Variants in TBC1D2B observed in about 807,000 individuals in gnomAD.
The protein encoded by TBC1D2B is TBC1 domain family member 2B, also known as TBC1 domain family, member 2B.
A neutral mutation model predicts 100.8 loss-of-function variants in TBC1D2B; 64 were observed. The ratio of observed to expected loss-of-function variants is 0.64; its 90% CI spans 0.52 to 0.78. The LOEUF (loss-of-function observed/expected upper bound fraction) is 0.78. Among genes scored for constraint, TBC1D2B ranks in the 30% least tolerant of loss-of-function variants. The pLI, the probability that TBC1D2B is intolerant of heterozygous loss-of-function variation, is 0.00. For missense variants in TBC1D2B, 1,052 were observed against 1,218.4 expected (o/e 0.86, Z 2.03); for synonymous variants, 480 against 479.7 (o/e 1.00, Z -0.01).
intron 3 of TBC1D2B, among the ~76,000 whole-genome samples, chr15:78,034,063 A>G (rs1235924110): frequency 6.6e-6 from 1 of 152,216 alleles, no homozygotes; most frequent in Admixed American, 6.5e-5. Context: ...GGAGCTGGTA[A>G]ACGACGTATA....
chr15:78,036,392 A>G (rs1335884737), intron 3 of TBC1D2B, among the ~76,000 whole-genome samples: 1 of 152,210 alleles, frequency 6.6e-6, no homozygotes, highest in African/African-American at 2.4e-5. Flanking sequence ...GTTGAAATGT[A>G]ATAATCATTG....
At position 78,025,307 on chromosome 15, in the gene TBC1D2B, G is replaced by A. The variant is rs745484981; in HGVS notation, c.1038C>T (p.Ser346=). 1 of 1,613,848 alleles carries A rather than the reference G, an allele frequency of 6.2e-7. No individual in the cohort carries two copies. Among genetic ancestry groups the A allele is most frequent in the Non-Finnish European group, 8.5e-7 (1 of 1,179,880 alleles). The stretch of plus-strand genomic sequence containing the variant: ...TTAACTGTTCCAGCTCTTCCTGCTG[G>A]CTCTGGACCTGCAGTTGCATTTCGG... The part of the protein sequence containing the change: ...PASEMQLQVQ[S]QQEELEQLKK... The change falls in exon 5 of 13, where the codon AGC becomes AGT. Residue 346 remains serine (S), a synonymous_variant. Coordinates refer to ENST00000300584, the MANE Select transcript of TBC1D2B (RefSeq NM_144572.2).
chr15:78,026,470 G>A (rs558685339), intron 4 of TBC1D2B, among the ~76,000 whole-genome samples: 65 of 152,272 alleles, frequency 4.3e-4, no homozygotes, highest in African/African-American at 1.6e-3. Flanking sequence ...AGATGCCAGT[G>A]CCATGCTTTT....
At chr15:78,049,920 A>G (rs1331931542) in intron 2 of TBC1D2B, among the ~76,000 whole-genome samples, 1 of 152,176 alleles carries the variant, frequency 6.6e-6, no homozygotes. Flanking sequence ...AGCTCTCCCC[A>G]TGCTGCCTCT....
Position 78,054,035 on chromosome 15 carries a change from A to G in TBC1D2B, c.513T>C (p.Thr171=), listed in dbSNP as rs141845112. The G allele has an allele frequency of 7.1e-5, 114 of 1,611,462 alleles. No individual in the cohort carries two copies. The African/African-American group carries it at 1.3e-3, about 19-fold the overall frequency. The change falls in exon 2 of 13, where the codon ACT becomes ACC. Residue 171 remains threonine, a splice_region_variant and synonymous_variant. Coordinates refer to ENST00000300584, the MANE Select transcript of TBC1D2B (RefSeq NM_144572.2). ...AGCTCCCCTTTATTTCTGCCTTACC[A>G]GTGTTATCTCTGGCTACAAGACCCT... The part of the protein sequence containing the change: ...FPKGLVARDN[T]DLIYPHPNAS...
intron 1 of TBC1D2B, among the ~76,000 whole-genome samples, chr15:78,064,042 G>C (rs1463897385): frequency 6.6e-6 from 1 of 152,078 alleles, no homozygotes; most frequent in Non-Finnish European, 1.5e-5. Flanking sequence ...TGGCTTCCAA[G>C]TGTCAAGAAA....
At chr15:78,056,684 CTCTTTTTTTT>C in intron 1 of TBC1D2B, among the ~76,000 whole-genome samples, 1 of 121,648 alleles carries the variant, frequency 8.2e-6, no homozygotes, top group South Asian at 2.8e-4. Flanking sequence ...CCCAGTCCTC[CTCTTTTTTTT>C]TTTTTTTTTT....
intron 3 of TBC1D2B, chr15:78,034,464 A>G (rs372687624): frequency 1.0e-6 from 1 of 983,606 alleles, no homozygotes; most frequent in Non-Finnish European, 1.2e-6. Context: ...TAGGAGTTAA[A>G]TTCTCCTTAC....
At chr15:78,011,331 T>C (rs1287173715) in intron 9 of TBC1D2B, among the ~76,000 whole-genome samples, 1 of 152,180 alleles carries the variant, frequency 6.6e-6, no homozygotes, top group Non-Finnish European at 1.5e-5. Context: ...TGGAGGTCAA[T>C]ACCTGGCATG....
intron 1 of TBC1D2B, among the ~76,000 whole-genome samples, chr15:78,063,779 T>C (rs528292439): frequency 6.6e-6 from 1 of 152,074 alleles, no homozygotes; most frequent in African/African-American, 2.4e-5. Context: ...AATCGCCAGG[T>C]CTCCTATTCC....
intron 1 of TBC1D2B, 126 bp from the exon 2 acceptor site, chr15:78,054,313 A>T (rs2073375717): frequency 1.0e-6 from 1 of 956,344 alleles, no homozygotes; most frequent in African/African-American, 1.7e-5. Flanking sequence ...GATCAAGGAA[A>T]CTTCAGTTAC....
At chr15:78,000,252 C>T (rs1392406994) in intron 12 of TBC1D2B, among the ~76,000 whole-genome samples, 1 of 152,250 alleles carries the variant, frequency 6.6e-6, no homozygotes, top group African/African-American at 2.4e-5. Context: ...CAAGGCCCAG[C>T]AGTGTGGGAG....
chr15:78,014,471 T>C (rs1475661624), intron 8 of TBC1D2B, among the ~76,000 whole-genome samples: 1 of 152,186 alleles, frequency 6.6e-6, no homozygotes, highest in African/African-American at 2.4e-5. Flanking sequence ...CGTGGGCACA[T>C]GGGAATATGG....
chr15:78,022,139 A>C lies in TBC1D2B; in HGVS notation c.1470+2017T>G, dbSNP rs1379401479. On this transcript the variant is annotated intron_variant, in intron 6 of 12. Transcript: ENST00000300584. The stretch of plus-strand genomic sequence containing the variant: ...ATTCTGAGGCCAAGGCAGGCAGATC[A>C]CTTGAGCTCAGGAGTTCAAGACTAG... 2.6e-5 allele frequency among the ~76,000 whole-genome samples: 4 copies of C among 152,234 alleles called. No individual in the cohort carries two copies. In the East Asian group the frequency reaches 7.7e-4, roughly 29 times the overall value.
Position 78,024,282 on chromosome 15 carries a change from T to C in TBC1D2B, c.1344A>G (p.Gln448=). The C allele has an allele frequency of 6.2e-7, 1 of 1,614,064 alleles. No individual in the cohort carries two copies. Residue 448 remains glutamine, a synonymous_variant, in exon 6 of 13, where the codon CAA becomes CAG. Transcript: ENST00000300584. ...EQLGMLMETI[Q]AKDEVIIKLS... is the part of the protein sequence containing the mutation. The stretch of plus-strand genomic sequence containing the variant: ...GCTTGATGATGACCTCGTCCTTGGC[T>C]TGGATGGTCTCCATGAGCATTCCCA...
chr15:78,009,123 A>G lies in TBC1D2B; in HGVS notation c.2271-9T>C, dbSNP rs1165900695. Reference sequence around the variant, plus strand: ...GGGCCACTGCCACCAACCTACAAGCAAAGGGAGGACAAGATGAGAGCCCAG... The same window carrying G: ...GGGCCACTGCCACCAACCTACAAGCGAAGGGAGGACAAGATGAGAGCCCAG... On this transcript the variant is annotated splice_polypyrimidine_tract_variant and intron_variant, in intron 9 of 12. Coordinates refer to ENST00000300584, the MANE Select transcript of TBC1D2B (RefSeq NM_144572.2). The G allele has an allele frequency of 9.5e-6, 15 of 1,577,680 alleles. No individual in the cohort carries two copies. The highest frequency in any genetic ancestry group is 1.2e-5 in the Non-Finnish European group (14 of 1,157,210).
At chr15:78,030,263 T>A in intron 3 of TBC1D2B, 93 bp from the exon 4 acceptor site, 1 of 1,049,810 alleles carries the variant, frequency 9.5e-7, no homozygotes, top group Non-Finnish European at 1.3e-6. Flanking sequence ...TTTAAATATC[T>A]AATGATACCA....
intron 1 of TBC1D2B, among the ~76,000 whole-genome samples, 192 bp from the exon 2 acceptor site, chr15:78,054,379 T>C (rs1023494207): frequency 6.6e-6 from 1 of 152,228 alleles, no homozygotes; most frequent in Admixed American, 6.5e-5. Context: ...AATTGTAACA[T>C]GAAGAACTGA....
chr15:78,040,557 GA>G (rs1273939409), intron 3 of TBC1D2B, among the ~76,000 whole-genome samples: 1 of 128,004 alleles, frequency 7.8e-6, no homozygotes, highest in African/African-American at 2.9e-5. Context: ...CTCAAAAAAT[GA>G]AAAAAGAAAA....
Sources: gnomAD v4.1 joint callset for allele counts (sites outside exome capture counted in the v4.1 genomes callset) on GRCh38, gnomAD v4.1.1 for gene constraint, MANE v1.5 for transcripts, NCBI Gene and HGNC (gene_info 2026-07-23, HGNC 2026-07-21) for gene names.